INPP4B: variants seen among roughly 807,000 people sequenced by gnomAD.
The protein encoded by INPP4B is inositol polyphosphate 4-phosphatase type II.
INPP4B carries 55 observed loss-of-function variants against 122.5 expected under a neutral mutation model. The ratio of observed to expected loss-of-function variants is 0.45; its 90% CI spans 0.36 to 0.56. The LOEUF (loss-of-function observed/expected upper bound fraction) is 0.56. INPP4B is among the 20% of genes least tolerant of loss of function. The pLI is 0.00. For synonymous variants in INPP4B, 403 were observed against 388.7 expected (o/e 1.04, Z -0.43); for missense variants, 1,000 against 1,097.7 (o/e 0.91, Z 1.26).
At chr4:142,254,829 A>T (rs977971026) in intron 11 of INPP4B, among the ~76,000 whole-genome samples, 1 of 152,090 alleles carries the variant, frequency 6.6e-6, no homozygotes, top group Non-Finnish European at 1.5e-5. Flanking sequence ...GCAGGCCAAC[A>T]TTCAGATTCA....
chr4:142,187,578 TACAC>T (rs1311874597), intron 15 of INPP4B, among the ~76,000 whole-genome samples: 1 of 151,100 alleles, frequency 6.6e-6, no homozygotes, highest in Non-Finnish European at 1.5e-5. Flanking sequence ...TATACACACA[TACAC>T]ACACACACAG....
At chr4:142,599,135 A>T (rs1739339260) in intron 2 of INPP4B, among the ~76,000 whole-genome samples, 1 of 152,144 alleles carries the variant, frequency 6.6e-6, no homozygotes, top group African/African-American at 2.4e-5. Context: ...ATCTTGCCAC[A>T]GCTACTTCCA....
chr4:142,493,896 A>T (rs1217814478), intron 2 of INPP4B, among the ~76,000 whole-genome samples: 1 of 152,162 alleles, frequency 6.6e-6, no homozygotes, highest in African/African-American at 2.4e-5. Flanking sequence ...CTGTGTTCCC[A>T]CACAAATCTT....
chr4:142,399,825 A>G (rs1207173580), intron 7 of INPP4B, among the ~76,000 whole-genome samples: 3 of 152,150 alleles, frequency 2.0e-5, no homozygotes, highest in Admixed American at 2.0e-4. Context: ...ATACTAATAC[A>G]TAAAGACCCT....
intron 2 of INPP4B, among the ~76,000 whole-genome samples, chr4:142,619,819 A>G (rs982192576): frequency 6.6e-6 from 1 of 151,972 alleles, no homozygotes; most frequent in African/African-American, 2.4e-5. Flanking sequence ...ATTAGAGATT[A>G]TATCTCAGGA....
chr4:142,400,106 CCAT>C (rs1801108864), intron 7 of INPP4B, among the ~76,000 whole-genome samples: 1 of 152,130 alleles, frequency 6.6e-6, no homozygotes, highest in South Asian at 2.1e-4. Context: ...AGAGAAAAGG[CCAT>C]CATTTCTCTT....
chr4:142,219,539 T>C (rs1848558982), intron 12 of INPP4B, among the ~76,000 whole-genome samples: 1 of 152,232 alleles, frequency 6.6e-6, no homozygotes, highest in Admixed American at 6.5e-5. Flanking sequence ...AGTTGCATTG[T>C]GCAAAGGTTT....
At chr4:142,471,192 C>A (rs1252652824) in intron 2 of INPP4B, among the ~76,000 whole-genome samples, 1 of 152,066 alleles carries the variant, frequency 6.6e-6, no homozygotes. Flanking sequence ...CTGGCTATCA[C>A]CAAATGCTGT....
chr4:142,632,858 A>G (rs1748270833), intron 2 of INPP4B, among the ~76,000 whole-genome samples: 1 of 151,812 alleles, frequency 6.6e-6, no homozygotes, highest in African/African-American at 2.4e-5. Flanking sequence ...ATAAAAAATA[A>G]TACTTCACTA....
intron 2 of INPP4B, among the ~76,000 whole-genome samples, chr4:142,594,954 C>CAAAAAA (rs70949177): frequency 1.0e-4 from 6 of 58,020 alleles, no homozygotes; most frequent in African/African-American, 1.4e-4. Flanking sequence ...GACTCTGTCT[C>CAAAAAA]AAAAAAAAAA....
At chr4:142,131,979 T>G (rs183120878) in intron 18 of INPP4B, among the ~76,000 whole-genome samples, 1 of 151,892 alleles carries the variant, frequency 6.6e-6, no homozygotes, top group East Asian at 1.9e-4. Context: ...ACAAAAATAT[T>G]ACATGCCCTA....
At chr4:142,248,346 T>TTA (rs1195059573) in intron 11 of INPP4B, among the ~76,000 whole-genome samples, 1 of 147,858 alleles carries the variant, frequency 6.8e-6, no homozygotes, top group Non-Finnish European at 1.5e-5. Flanking sequence ...CTTTTTTTTT[T>TTA]TTTTTTTTGA....
At chr4:142,745,491 CA>C (rs1418662308) in intron 1 of INPP4B, among the ~76,000 whole-genome samples, 1 of 151,848 alleles carries the variant, frequency 6.6e-6, no homozygotes, top group African/African-American at 2.4e-5. Flanking sequence ...TTTTATGCTA[CA>C]ATGGCAGAAT....
chr4:142,421,203 T>C (rs1456022653), intron 5 of INPP4B, among the ~76,000 whole-genome samples: 1 of 152,144 alleles, frequency 6.6e-6, no homozygotes, highest in East Asian at 1.9e-4. Context: ...CTATTTGTTG[T>C]CTTTATTTTT....
chr4:142,620,261 C>G (rs887358159), intron 2 of INPP4B, among the ~76,000 whole-genome samples: 2 of 151,946 alleles, frequency 1.3e-5, no homozygotes. Context: ...CCTAAATGCC[C>G]ATCAACTGTG....
intron 7 of INPP4B, among the ~76,000 whole-genome samples, chr4:142,361,372 A>G (rs1785338382): frequency 6.6e-6 from 1 of 151,988 alleles, no homozygotes; most frequent in African/African-American, 2.4e-5. Context: ...GGCCTGGAAT[A>G]GTACTGGTAG....
chr4:142,316,707 A>T (rs1176479992), intron 7 of INPP4B, among the ~76,000 whole-genome samples: 1 of 152,218 alleles, frequency 6.6e-6, no homozygotes, highest in Non-Finnish European at 1.5e-5. Context: ...ATAGAGTTGT[A>T]TAAAGTATTT....
chr4:142,836,719 T>TATACACACACAC lies in INPP4B; in HGVS notation c.-254+9489_-254+9490insGTGTGTGTGTAT, dbSNP rs1782822003. On this transcript the variant is annotated intron_variant, in intron 1 of 25. Coordinates refer to ENST00000262992, the MANE Select transcript of INPP4B (RefSeq NM_001101669.3). ...TTTAGGTAAATGAAAAAGTACTGTC[T>TATACACACACAC]ACACACACACACACACACACACACA... Among the ~76,000 whole-genome samples, 7 of 146,406 alleles carry TATACACACACAC rather than the reference T, an allele frequency of 4.8e-5. 1 individual carries two copies. In the South Asian group the frequency reaches 1.6e-3, roughly 33 times the overall value.
intron 3 of INPP4B, among the ~76,000 whole-genome samples, chr4:142,447,237 C>G (rs1360106423): frequency 6.6e-6 from 1 of 152,080 alleles, no homozygotes; most frequent in Non-Finnish European, 1.5e-5. Context: ...GGGCCTCAGT[C>G]TGACTGGCTG....
Sources: allele counts gnomAD v4.1 joint callset (sites outside exome capture counted in the v4.1 genomes callset), GRCh38; gene constraint gnomAD v4.1.1; transcripts MANE v1.5; gene names NCBI Gene and HGNC (gene_info 2026-07-23, HGNC 2026-07-21).